LIN7A: variants seen among roughly 807,000 people sequenced by gnomAD.
LIN7A encodes the protein lin-7 cell polarity scaffold A, also known as protein lin-7 homolog A.
In LIN7A, 25 loss-of-function variants were observed where a neutral mutation model predicts 29.8. That is an observed-to-expected ratio of 0.84 (90% CI 0.61 to 1.17). The LOEUF (loss-of-function observed/expected upper bound fraction) is 1.17. Among genes scored for constraint, LIN7A ranks in the 50% most tolerant of loss-of-function variants. The probability of loss-of-function intolerance (pLI) is 0.00; values close to 1 mark genes in which losing one functional copy is unlikely to be tolerated. For missense variants in LIN7A, 239 were observed against 287.0 expected, an observed-to-expected ratio of 0.83 and a Z score of 1.21; for synonymous variants, 118 against 107.5, an observed-to-expected ratio of 1.10 and a Z score of -0.60.
rs143098474 is a variant in LIN7A, at chr12:80,835,585, C to G, written c.483+10145G>C. Among the ~76,000 whole-genome samples, 13 of 152,170 alleles carry G rather than the reference C, an allele frequency of 8.5e-5. No homozygotes were observed. In the East Asian group the frequency reaches 2.3e-3, roughly 27 times the overall value. ...AGATAAAATTATAAGAAAGAAAAGA[C>G]TATTATCTGATTTAAAAGAAAAAAT... On this transcript the variant is annotated intron_variant, in intron 4 of 5. Transcript: ENST00000552864.
chr12:80,933,233 T>C (rs1878012576), intron 1 of LIN7A, among the ~76,000 whole-genome samples: 1 of 152,202 alleles, frequency 6.6e-6, no homozygotes, highest in South Asian at 2.1e-4. Context: ...AGCTGATCTA[T>C]AGATTTTCTT....
At chr12:80,867,459 G>C (rs1009425609) in intron 2 of LIN7A, among the ~76,000 whole-genome samples, 8 of 152,070 alleles carry the variant, frequency 5.3e-5, no homozygotes, top group Non-Finnish European at 8.8e-5. Context: ...AAGAGGTGGG[G>C]GTATAAACCT....
intron 1 of LIN7A, among the ~76,000 whole-genome samples, chr12:80,894,143 AT>A (rs550984947): frequency 5.6e-4 from 86 of 152,330 alleles, no homozygotes; most frequent in African/African-American, 2.0e-3. Flanking sequence ...ATCCATTGGA[AT>A]AAAGTGTGTG....
chr12:80,800,484 C>T (rs529039014), intron 5 of LIN7A, among the ~76,000 whole-genome samples: 96 of 94,498 alleles, frequency 1.0e-3, no homozygotes, highest in African/African-American at 5.7e-3. Flanking sequence ...AGTGAAACTC[C>T]GTCTCAAAAA....
chr12:80,887,895 A>T (rs1316088011), intron 2 of LIN7A, among the ~76,000 whole-genome samples: 1 of 152,118 alleles, frequency 6.6e-6, no homozygotes, highest in Non-Finnish European at 1.5e-5. Flanking sequence ...AAGGAAAAAA[A>T]ATTGGTCATC....
At chr12:80,932,889 A>C (rs1484872723) in intron 1 of LIN7A, among the ~76,000 whole-genome samples, 3 of 152,216 alleles carry the variant, frequency 2.0e-5, no homozygotes, top group Non-Finnish European at 4.4e-5. Context: ...GCTGAAGGTC[A>C]TTCCTGGTTT....
chr12:80,877,868 G>GAAA, intron 2 of LIN7A, among the ~76,000 whole-genome samples: 1 of 129,746 alleles, frequency 7.7e-6, no homozygotes, highest in East Asian at 2.3e-4. Context: ...GCACTGGGAA[G>GAAA]AAAAAAAAAA....
At chr12:80,922,274 C>G (rs929900162) in intron 1 of LIN7A, among the ~76,000 whole-genome samples, 12 of 152,150 alleles carry the variant, frequency 7.9e-5, no homozygotes, top group Non-Finnish European at 1.5e-5. Context: ...TGGATAAGAA[C>G]AGTCTATGTC....
chr12:80,828,859 A>G (rs1232539159), intron 4 of LIN7A, among the ~76,000 whole-genome samples: 1 of 152,128 alleles, frequency 6.6e-6, no homozygotes, highest in Non-Finnish European at 1.5e-5. Context: ...GTTCAGATGC[A>G]TGCTCACTAC....
intron 4 of LIN7A, chr12:80,842,196 C>T (rs1341000617): frequency 1.8e-6 from 2 of 1,131,750 alleles, no homozygotes; most frequent in Non-Finnish European, 2.3e-6. Context: ...GATTTCCCCC[C>T]CTTTCCATCA....
At chr12:80,928,157 G>T (rs1877707830) in intron 1 of LIN7A, among the ~76,000 whole-genome samples, 1 of 152,084 alleles carries the variant, frequency 6.6e-6, no homozygotes, top group African/African-American at 2.4e-5. Flanking sequence ...GAATAGTGCT[G>T]CAATAAACAT....
At chr12:80,929,852 A>T (rs1478865535) in intron 1 of LIN7A, among the ~76,000 whole-genome samples, 1 of 152,174 alleles carries the variant, frequency 6.6e-6, no homozygotes, top group East Asian at 1.9e-4. Context: ...TTTGTCCATC[A>T]GCAATTACTG....
At chr12:80,826,104 CAGG>C (rs145345317) in intron 4 of LIN7A, among the ~76,000 whole-genome samples, 36,470 of 152,002 alleles carry the variant, frequency 0.24, 5,098 homozygotes, top group Non-Finnish European at 0.33. Flanking sequence ...TGCTTTCTTG[CAGG>C]AGAAGTCAAA....
At chr12:80,920,137 T>G (rs146971023) in intron 1 of LIN7A, among the ~76,000 whole-genome samples, 37 of 152,328 alleles carry the variant, frequency 2.4e-4, no homozygotes, top group African/African-American at 7.9e-4. Flanking sequence ...GTCCCAACTA[T>G]TCAACTCTGC....
intron 1 of LIN7A, among the ~76,000 whole-genome samples, chr12:80,906,355 G>A (rs142703889): frequency 2.6e-5 from 4 of 152,338 alleles, no homozygotes; most frequent in Admixed American, 2.6e-4. Flanking sequence ...CTAGCAGCAA[G>A]TGCTGCTGTT....
intron 4 of LIN7A, among the ~76,000 whole-genome samples, chr12:80,813,303 G>T: frequency 6.6e-6 from 1 of 152,142 alleles, no homozygotes; most frequent in East Asian, 1.9e-4. Flanking sequence ...AAGCCACCGT[G>T]CCTGGTCAAT....
rs1446970998 is a variant in LIN7A, at chr12:80,796,454, C to T, written c.*1273G>A. The T allele has an allele frequency of 6.6e-6, 1 of 152,004 alleles. No homozygotes were observed. Among genetic ancestry groups the T allele is most frequent in the Non-Finnish European group, 1.5e-5 (1 of 67,988 alleles). The allele number at this position is 152,004 out of a possible 1,614,324, so 9.4% of individuals were successfully genotyped here. Reference sequence around the variant, plus strand: ...AATGTAGTTATAACAGATTATTTTCCAGTGAATGATATTTTCTGAAAAATG... The same window carrying T: ...AATGTAGTTATAACAGATTATTTTCTAGTGAATGATATTTTCTGAAAAATG... On this transcript the variant is annotated 3_prime_UTR_variant, in exon 6 of 6. Transcript: ENST00000552864.
At chr12:80,889,107 T>C (rs1348210245) in intron 2 of LIN7A, 144 bp downstream of exon 2, 5 of 645,770 alleles carry the variant, frequency 7.7e-6, no homozygotes, top group African/African-American at 7.4e-5. Flanking sequence ...TAAATTATAT[T>C]TTATCATCTG....
intron 5 of LIN7A, among the ~76,000 whole-genome samples, chr12:80,800,281 G>C (rs1051357122): frequency 6.6e-6 from 1 of 151,896 alleles, no homozygotes; most frequent in Non-Finnish European, 1.5e-5. Context: ...TCTGAGGTCG[G>C]GAGTTTGAGA....
Sources: gnomAD v4.1 joint callset for allele counts (sites outside exome capture counted in the v4.1 genomes callset) on GRCh38, gnomAD v4.1.1 for gene constraint, MANE v1.5 for transcripts, NCBI Gene and HGNC (gene_info 2026-07-23, HGNC 2026-07-21) for gene names.